MMP26: variants seen among roughly 807,000 people sequenced by gnomAD.
MMP26 encodes the protein matrix metallopeptidase 26.
A neutral mutation model predicts 31.0 loss-of-function variants in MMP26; 33 were observed. The ratio of observed to expected loss-of-function variants is 1.06; its 90% CI spans 0.81 to 1.42. MMP26 has a LOEUF of 1.42. MMP26 is among the 40% of genes most tolerant of loss of function. The probability of loss-of-function intolerance (pLI) is 0.00; values close to 1 mark genes in which losing one functional copy is unlikely to be tolerated. For synonymous variants in MMP26, 122 were observed against 114.9 expected, an observed-to-expected ratio of 1.06 and a Z score of -0.40; for missense variants, 347 against 316.1, an observed-to-expected ratio of 1.10 and a Z score of -0.74.
rs756333540 is a variant in MMP26, at chr11:4,822,160, A to G, written c.-145+54819A>G. ...AGCCTTCAACACCTGCACATCCCAC[A>G]TCAGTGCTGTTTCCATCTTCTACCT... On this transcript the variant is annotated intron_variant, in intron 2 of 7. Transcript: ENST00000380390. 2.5e-6 allele frequency: 4 copies of G among 1,612,730 alleles called. No homozygotes were observed. The Admixed American group carries it at 5.0e-5, about 20-fold the overall frequency.
intron 1 of MMP26, chr11:4,722,872 G>A: frequency 1.2e-6 from 1 of 810,678 alleles, no homozygotes; most frequent in Middle Eastern, 3.3e-4. Flanking sequence ...TGGAGCCCAG[G>A]CCATAGCTGA....
chr11:4,833,746 T>C (rs1285604531), intron 2 of MMP26, among the ~76,000 whole-genome samples: 1 of 152,178 alleles, frequency 6.6e-6, no homozygotes, highest in Non-Finnish European at 1.5e-5. Flanking sequence ...CTATGTCATT[T>C]GGTGAAGCAA....
chr11:4,784,970 A>C (rs1433910), intron 2 of MMP26, among the ~76,000 whole-genome samples: 7,324 of 152,280 alleles, frequency 0.048, 576 homozygotes, highest in African/African-American at 0.17. Flanking sequence ...TTCACAAAAC[A>C]TCAATTTTGC....
intron 1 of MMP26, chr11:4,736,054 T>C (rs1363288860): frequency 6.6e-6 from 1 of 151,900 alleles, no homozygotes; most frequent in Non-Finnish European, 1.5e-5. Context: ...ACCTTCTACT[T>C]AAAAAAAATG....
intron 2 of MMP26, among the ~76,000 whole-genome samples, chr11:4,780,004 C>A (rs1230178523): frequency 1.3e-5 from 2 of 152,062 alleles, no homozygotes; most frequent in Non-Finnish European, 2.9e-5. Flanking sequence ...GTATATTCAT[C>A]CATGTTGCTG....
At position 4,769,585 on chromosome 11, in the gene MMP26, A is replaced by T. The variant is rs758286049; in HGVS notation, c.-145+2244A>T. The stretch of plus-strand genomic sequence containing the variant: ...TAGCCACCAGCACTCCAGATTCCAT[A>T]AAAGTGAATCCATGAAGAAAAAACA... On this transcript the variant is annotated intron_variant, in intron 2 of 7. Transcript: ENST00000380390. 1.9e-6 allele frequency: 3 copies of T among 1,613,466 alleles called. No individual in the cohort carries two copies. In the East Asian group the frequency reaches 6.7e-5, roughly 36 times the overall value.
At position 4,927,314 on chromosome 11, in the gene MMP26, G is replaced by GTGTATCCACAAA. The variant is rs1377481329; in HGVS notation, c.-144-60754_-144-60753insTGTATCCACAAA. Among the ~76,000 whole-genome samples the GTGTATCCACAAA allele has an allele frequency of 1.7e-4, 26 of 152,270 alleles. No homozygotes were observed. In the East Asian group the frequency reaches 5.0e-3, roughly 29 times the overall value. ...TACAAAGTGCTGTCAAATCCACTCT[G>GTGTATCCACAAA]ATTGTCATGATACAATTTAAGGTGA... On this transcript the variant is annotated intron_variant, in intron 2 of 7. Transcript: ENST00000380390.
chr11:4,917,782 T>A (rs143480453), intron 2 of MMP26, among the ~76,000 whole-genome samples: 1 of 152,092 alleles, frequency 6.6e-6, no homozygotes, highest in African/African-American at 2.4e-5. Context: ...TTTGATGTAA[T>A]AGTCTCTAAT....
At position 4,947,120 on chromosome 11, in the gene MMP26, G is replaced by A. The variant is rs778443414; in HGVS notation, c.-144-40948G>A. ...GGACATGATTCATTCATAGGGCTCT[G>A]CTATGAAAAATACAGATGCTTGTGT... On this transcript the variant is annotated intron_variant, in intron 2 of 7. Coordinates refer to ENST00000380390, the MANE Select transcript of MMP26 (RefSeq NM_021801.5). The A allele has an allele frequency of 1.3e-5, 16 of 1,231,856 alleles. 1 individual carries two copies. Among genetic ancestry groups the A allele is most frequent in the Non-Finnish European group, 1.8e-5 (16 of 881,886 alleles). The allele number at this position is 1,231,856 out of a possible 1,614,324, so 76.3% of individuals were successfully genotyped here.
At chr11:4,877,719 G>A (rs1481622789) in intron 2 of MMP26, 1 of 152,114 alleles carries the variant, frequency 6.6e-6, no homozygotes, top group Non-Finnish European at 1.5e-5. Flanking sequence ...TGATTTAAAT[G>A]TAAATTTAAG....
At chr11:4,803,670 G>A (rs1564913371) in intron 2 of MMP26, 2 of 1,613,910 alleles carry the variant, frequency 1.2e-6, no homozygotes, top group Non-Finnish European at 1.7e-6. Context: ...AAGCTTTGAG[G>A]CGGGCTTCAC....
intron 1 of MMP26, among the ~76,000 whole-genome samples, chr11:4,757,930 T>G (rs986610773): frequency 1.3e-5 from 2 of 152,158 alleles, no homozygotes; most frequent in Non-Finnish European, 2.9e-5. Flanking sequence ...ACAGCCACTT[T>G]GAAAAACAGA....
chr11:4,775,239 T>C (rs910122469), intron 2 of MMP26, among the ~76,000 whole-genome samples: 1 of 152,236 alleles, frequency 6.6e-6, no homozygotes, highest in African/African-American at 2.4e-5. Context: ...TTTCATGATA[T>C]TGATTCTTCC....
chr11:4,840,212 C>T lies in MMP26; in HGVS notation c.-145+72871C>T, dbSNP rs115066301. Among the ~76,000 whole-genome samples the T allele has an allele frequency of 2.0e-3, 304 of 152,316 alleles. 1 individual carries two copies. The highest frequency in any genetic ancestry group is 6.9e-3 in the African/African-American group (286 of 41,582). On this transcript the variant is annotated intron_variant, in intron 2 of 7. Coordinates refer to ENST00000380390, the MANE Select transcript of MMP26 (RefSeq NM_021801.5). ...CTTTTGACCCTAGTGCCTAAATCCCCGACAGCATCTCTGGACCCACCTGGG... is the reference window on the plus strand; with the variant it reads ...CTTTTGACCCTAGTGCCTAAATCCCTGACAGCATCTCTGGACCCACCTGGG...
In MMP26 at chr11:4,915,194, C is replaced by G; in HGVS notation, c.-144-72874C>G. The G allele has an allele frequency of 6.2e-7, 1 of 1,614,010 alleles. No homozygotes were observed. The highest frequency in any genetic ancestry group is 2.2e-5 in the East Asian group (1 of 44,830). On this transcript the variant is annotated intron_variant, in intron 2 of 7. Transcript: ENST00000380390. ...AGGTAATGGAAAAATGAGTGCTACA[C>G]TACGACCCAGAGAGACCAGGCCAAT...
At chr11:4,978,295 A>T (rs1368627229) in intron 2 of MMP26, among the ~76,000 whole-genome samples, 2 of 152,108 alleles carry the variant, frequency 1.3e-5, no homozygotes, top group Non-Finnish European at 2.9e-5. Flanking sequence ...ACAGGGCAAG[A>T]AGTGTCAAGG....
intron 2 of MMP26, among the ~76,000 whole-genome samples, chr11:4,896,772 CA>C (rs1208938603): frequency 3.9e-5 from 6 of 152,068 alleles, no homozygotes; most frequent in Non-Finnish European, 7.4e-5. Context: ...TCCACTTACG[CA>C]AACAAGTAAC....
At chr11:4,856,746 C>T (rs1478570133) in intron 2 of MMP26, among the ~76,000 whole-genome samples, 4 of 152,186 alleles carry the variant, frequency 2.6e-5, no homozygotes, top group African/African-American at 9.7e-5. Context: ...CAGAACTCTC[C>T]ACCCCAAATC....
intron 1 of MMP26, among the ~76,000 whole-genome samples, chr11:4,708,427 T>A (rs117035041): frequency 0.011 from 1,675 of 152,336 alleles, 16 homozygotes; most frequent in Middle Eastern, 0.027. Context: ...TTCGGGGGGT[T>A]GCAATGAAGA....
Sources: allele counts gnomAD v4.1 joint callset (sites outside exome capture counted in the v4.1 genomes callset), GRCh38; gene constraint gnomAD v4.1.1; transcripts MANE v1.5; gene names NCBI Gene and HGNC (gene_info 2026-07-23, HGNC 2026-07-21).